Variants in BRINP3 observed in about 807,000 individuals in gnomAD.
The protein encoded by BRINP3 is BMP/retinoic acid inducible neural specific 3, also known as BMP/retinoic acid-inducible neural-specific protein 3.
Under a neutral mutation model 71.0 loss-of-function variants are expected in BRINP3, and 19 were observed. That is an observed-to-expected ratio of 0.27 (90% CI 0.19 to 0.39). BRINP3 has a LOEUF of 0.39. Ranked by LOEUF, BRINP3 falls within the 10% of genes least tolerant of loss-of-function variation. BRINP3 has a pLI of 1.00. For synonymous variants in BRINP3, 380 were observed against 337.7 expected (o/e 1.13, Z -1.37); for missense variants, 959 against 940.8 (o/e 1.02, Z -0.25).
chr1:190,163,065 C>T (rs964050325), intron 6 of BRINP3, among the ~76,000 whole-genome samples: 1 of 152,006 alleles, frequency 6.6e-6, no homozygotes, highest in Non-Finnish European at 1.5e-5. Context: ...ACTTAGAAGA[C>T]CCCCGGAAAT....
intron 5 of BRINP3, among the ~76,000 whole-genome samples, chr1:190,227,265 C>G (rs1657477754): frequency 6.6e-6 from 1 of 151,638 alleles, no homozygotes; most frequent in East Asian, 1.9e-4. Flanking sequence ...TGACTATTAT[C>G]TTAGAGGTTG....
chr1:190,178,587 C>G (rs1652760989), intron 6 of BRINP3, among the ~76,000 whole-genome samples: 1 of 152,046 alleles, frequency 6.6e-6, no homozygotes, highest in Non-Finnish European at 1.5e-5. Context: ...AATACTGGTT[C>G]TATGTATTTA....
intron 2 of BRINP3, among the ~76,000 whole-genome samples, chr1:190,371,816 C>T (rs1669885793): frequency 6.6e-6 from 1 of 152,086 alleles, no homozygotes; most frequent in Non-Finnish European, 1.5e-5. Flanking sequence ...GGGCATCTGG[C>T]ATAGGGGGCA....
intron 3 of BRINP3, among the ~76,000 whole-genome samples, chr1:190,272,795 T>C (rs559701219): frequency 5.3e-4 from 80 of 151,626 alleles, no homozygotes; most frequent in African/African-American, 1.9e-3. Context: ...TTTTAATCCA[T>C]GTATACAAAA....
intron 2 of BRINP3, among the ~76,000 whole-genome samples, chr1:190,354,976 C>T (rs1013380164): frequency 3.3e-5 from 5 of 151,672 alleles, no homozygotes; most frequent in Admixed American, 6.6e-5. Context: ...CTTATTTCTG[C>T]GTTACCTAAT....
chr1:190,114,703 T>C (rs1318448947), intron 7 of BRINP3, among the ~76,000 whole-genome samples: 1 of 152,024 alleles, frequency 6.6e-6, no homozygotes, highest in Non-Finnish European at 1.5e-5. Flanking sequence ...CAGTGGCCCG[T>C]AAGACCCTGT....
In BRINP3 at chr1:190,285,607, A is replaced by G. The variant is rs1196307473; in HGVS notation, c.237-3857T>C. 4.6e-5 allele frequency among the ~76,000 whole-genome samples: 7 copies of G among 152,020 alleles called. No homozygotes were observed. In the East Asian group the frequency reaches 1.4e-3, roughly 29 times the overall value. On this transcript the variant is annotated intron_variant, in intron 2 of 7. Coordinates refer to ENST00000367462, the MANE Select transcript of BRINP3 (RefSeq NM_199051.3). ...GGATTATTTGATTTGCTTATTTTCT[A>G]GTAGTATAATCTAGTATATCATTAT...
At chr1:190,260,078 A>G (rs1431823826) in intron 4 of BRINP3, among the ~76,000 whole-genome samples, 7 of 151,516 alleles carry the variant, frequency 4.6e-5, no homozygotes, top group Middle Eastern at 6.8e-3. Flanking sequence ...CACAAAAAAA[A>G]AAAAGAAAAA....
rs376270238 is a variant in BRINP3 at position 190,303,559 on chromosome 1, T to G, written c.237-21809A>C. 3.0e-4 allele frequency among the ~76,000 whole-genome samples: 46 copies of G among 151,942 alleles called. No homozygotes were observed. In the East Asian group the frequency reaches 3.3e-3, roughly 11 times the overall value. ...AGTCATTTATTTCATTTGTTCCATTTTTAATAAAATTGCAATTAAGTATTC... is the reference window on the plus strand; with the variant it reads ...AGTCATTTATTTCATTTGTTCCATTGTTAATAAAATTGCAATTAAGTATTC... On this transcript the variant is annotated intron_variant, in intron 2 of 7. Transcript: ENST00000367462.
chr1:190,235,240 T>C (rs12082842), intron 4 of BRINP3, among the ~76,000 whole-genome samples: 5 of 152,102 alleles, frequency 3.3e-5, no homozygotes, highest in African/African-American at 7.2e-5. Context: ...TACTTAAATA[T>C]GTAATCTCAT....
At chr1:190,325,064 A>C (rs1207915913) in intron 2 of BRINP3, among the ~76,000 whole-genome samples, 2 of 151,960 alleles carry the variant, frequency 1.3e-5, no homozygotes, top group Non-Finnish European at 2.9e-5. Flanking sequence ...AATAATCGGC[A>C]GCATAGTAGG....
intron 2 of BRINP3, among the ~76,000 whole-genome samples, chr1:190,428,698 GA>G (rs1673889830): frequency 6.6e-6 from 1 of 151,950 alleles, no homozygotes; most frequent in Non-Finnish European, 1.5e-5. Context: ...ATAAACATTT[GA>G]GATGATACAT....
At chr1:190,339,005 A>AAAATAAATAAATAAAT (rs144106726) in intron 2 of BRINP3, among the ~76,000 whole-genome samples, 5 of 143,776 alleles carry the variant, frequency 3.5e-5, no homozygotes, top group African/African-American at 7.7e-5. Context: ...TTGCAAATGC[A>AAAATAAATAAATAAAT]AAATAAATAA....
intron 3 of BRINP3, among the ~76,000 whole-genome samples, chr1:190,271,568 T>G (rs955334949): frequency 1.3e-5 from 2 of 151,618 alleles, no homozygotes; most frequent in Non-Finnish European, 1.5e-5. Context: ...TAGTTTATCT[T>G]ATTTGTGATG....
Position 190,281,751 on chromosome 1 carries a change from C to G in BRINP3, c.237-1G>C. ...ATTTACTTTCCAGCGGCCAAACTCC[C>G]TGAAAAGCAAATTTATTTTTATTCA... On this transcript the variant is annotated splice_acceptor_variant, in intron 2 of 7. Coordinates refer to ENST00000367462, the MANE Select transcript of BRINP3 (RefSeq NM_199051.3). LOFTEE classifies it high-confidence loss of function. 1 of 1,601,440 alleles carries G rather than the reference C, an allele frequency of 6.2e-7. No homozygotes were observed. The highest frequency in any genetic ancestry group is 8.5e-7 in the Non-Finnish European group (1 of 1,175,960).
chr1:190,454,971 T>G, intron 1 of BRINP3, 31 bp from the exon 2 acceptor site: 2 of 1,022,338 alleles, frequency 2.0e-6, no homozygotes, highest in Non-Finnish European at 2.9e-6. Flanking sequence ...ATTAGTTAAC[T>G]CCTAGAAGAT....
intron 4 of BRINP3, among the ~76,000 whole-genome samples, chr1:190,247,338 T>A (rs76193562): frequency 6.6e-6 from 1 of 151,886 alleles, no homozygotes; most frequent in Non-Finnish European, 1.5e-5. Context: ...ATTTTTGTTT[T>A]AGAAAAAGGA....
intron 2 of BRINP3, among the ~76,000 whole-genome samples, chr1:190,435,311 T>C (rs1204930404): frequency 6.6e-6 from 1 of 152,094 alleles, no homozygotes; most frequent in Non-Finnish European, 1.5e-5. Context: ...TTTTGACACT[T>C]TAAAAAATAG....
intron 7 of BRINP3, among the ~76,000 whole-genome samples, chr1:190,101,817 G>A (rs1422957361): frequency 1.3e-5 from 2 of 152,138 alleles, no homozygotes; most frequent in Non-Finnish European, 2.9e-5. Context: ...GGCAAAGATA[G>A]AGCTCACAAA....
Sources: allele counts gnomAD v4.1 joint callset (sites outside exome capture counted in the v4.1 genomes callset), GRCh38; gene constraint gnomAD v4.1.1; transcripts MANE v1.5; gene names NCBI Gene and HGNC (gene_info 2026-07-23, HGNC 2026-07-21).